PTGES: variants seen among roughly 807,000 people sequenced by gnomAD.
PTGES encodes the protein prostaglandin E synthase.
PTGES carries 3 observed loss-of-function variants against 11.8 expected under a neutral mutation model. That is an observed-to-expected ratio of 0.25 (90% confidence interval 0.12 to 0.66). The LOEUF is 0.66. Among genes scored for constraint, PTGES ranks in the 30% least tolerant of loss-of-function variants. The pLI, the probability that PTGES is intolerant of heterozygous loss-of-function variation, is 0.82. For missense variants in PTGES, 180 were observed against 213.0 expected (o/e 0.85, Z 0.96); for synonymous variants, 94 against 90.4 (o/e 1.04, Z -0.22).
At chr9:129,750,928 C>G (rs904525127) in intron 1 of PTGES, among the ~76,000 whole-genome samples, 1 of 152,180 alleles carries the variant, frequency 6.6e-6, no homozygotes, top group Non-Finnish European at 1.5e-5. Context: ...AGGAACACCT[C>G]AGGAGCAGCC....
rs3884098 is a variant in PTGES, at chr9:129,739,427, C to CACACATACACAT, written c.*183_*184insATGTGTATGTGT. 1 of 753,266 alleles carries CACACATACACAT rather than the reference C, an allele frequency of 1.3e-6. No homozygotes were observed. Among genetic ancestry groups the CACACATACACAT allele is most frequent in the East Asian group, 2.7e-5 (1 of 36,598 alleles). The allele number at this position is 753,266 out of a possible 1,614,324, so 46.7% of individuals were successfully genotyped here. ...TCCAAGGGGCTAAGAAACATACACA[C>CACACATACACAT]ACACATACACACACACGGGCACACA... On this transcript the variant is annotated 3_prime_UTR_variant, in exon 3 of 3. Coordinates refer to ENST00000340607, the MANE Select transcript of PTGES (RefSeq NM_004878.5). This position sits in a 1 kb window ranked among gnomAD's most constrained non-coding sequence, Gnocchi z 5.7.
intron 2 of PTGES, among the ~76,000 whole-genome samples, chr9:129,741,746 AAAT>A (rs1564162117): frequency 2.0e-5 from 3 of 152,016 alleles, no homozygotes; most frequent in Non-Finnish European, 4.4e-5. Context: ...TCTCTACTAA[AAAT>A]ACAAAATTAG....
chr9:129,750,522 C>T (rs1234049156), intron 1 of PTGES, among the ~76,000 whole-genome samples: 2 of 152,192 alleles, frequency 1.3e-5, no homozygotes, highest in Admixed American at 6.5e-5. Flanking sequence ...GGAGTTGCTC[C>T]CCCTGGAGAT....
chr9:129,741,174 G>A (rs562198261), intron 2 of PTGES, among the ~76,000 whole-genome samples: 1 of 152,334 alleles, frequency 6.6e-6, no homozygotes, highest in African/African-American at 2.4e-5. Flanking sequence ...CCTGAATGAT[G>A]AGAAGCTGGC....
At chr9:129,744,172 C>T (rs1422561185) in intron 2 of PTGES, among the ~76,000 whole-genome samples, 4 of 152,056 alleles carry the variant, frequency 2.6e-5, no homozygotes, top group East Asian at 1.9e-4. Context: ...TTAAGCAAGC[C>T]GCCATCTCCT....
chr9:129,740,158 C>T (rs897996794), intron 2 of PTGES, among the ~76,000 whole-genome samples: 26 of 152,052 alleles, frequency 1.7e-4, no homozygotes, highest in African/African-American at 6.3e-4. Context: ...GCCGGGACCC[C>T]ACTCCTGCCA....
chr9:129,742,289 C>T (rs1833002465), intron 2 of PTGES, among the ~76,000 whole-genome samples: 1 of 144,280 alleles, frequency 6.9e-6, no homozygotes, highest in African/African-American at 2.6e-5. Context: ...CGTGTCACTT[C>T]ACTCCAGCCT....
At chr9:129,750,433 G>GCT (rs1331059604) in intron 1 of PTGES, among the ~76,000 whole-genome samples, 7 of 152,156 alleles carry the variant, frequency 4.6e-5, no homozygotes, top group Admixed American at 4.6e-4. Flanking sequence ...AACACCGAAG[G>GCT]CTCTGTCCGT....
intron 2 of PTGES, among the ~76,000 whole-genome samples, chr9:129,746,034 C>CAAAAAAAAAA (rs142175511): frequency 5.8e-5 from 7 of 121,314 alleles, no homozygotes; most frequent in Non-Finnish European, 1.2e-4. Context: ...AACTCTGTCT[C>CAAAAAAAAAA]AAAAAAAAAA....
In PTGES at chr9:129,745,865, A is replaced by G. The variant is rs1468893124; in HGVS notation, c.209+2790T>C. The stretch of plus-strand genomic sequence containing the variant: ...GCCAACATGGTGAAACTCTGTCTCT[A>G]CTAAAAAAAAAATACAAAAATTAGC... On this transcript the variant is annotated intron_variant, in intron 2 of 2. Coordinates refer to ENST00000340607, the MANE Select transcript of PTGES (RefSeq NM_004878.5). This position sits in a 1 kb window ranked among gnomAD's most constrained non-coding sequence, Gnocchi z 4.2. Among the ~76,000 whole-genome samples, 3 of 151,966 alleles carry G rather than the reference A, an allele frequency of 2.0e-5. No homozygotes were observed. The highest frequency in any genetic ancestry group is 4.4e-5 in the Non-Finnish European group (3 of 67,986).
Position 129,739,665 on chromosome 9 carries a change from G to T in PTGES, c.405C>A (p.Leu135=), listed in dbSNP as rs1199290323. ...IRSVTYTLAQ[L]PCASMALQIL... is the part of the protein sequence containing the mutation. ...TCTGCAGAGCCATGGAGGCGCAGGG[G>T]AGCTGGGCCAGGGTGTAGGTCACGG... The change falls in exon 3 of 3, where the codon CTC becomes CTA. Residue 135 remains leucine (L), a synonymous_variant. Transcript: ENST00000340607. The surrounding 1 kb of genome is among the most constrained non-coding windows in gnomAD (Gnocchi z 5.7). 5.1e-6 allele frequency: 8 copies of T among 1,557,332 alleles called. No individual in the cohort carries two copies. Among genetic ancestry groups the T allele is most frequent in the Non-Finnish European group, 7.0e-6 (8 of 1,150,426 alleles).
Position 129,739,315 on chromosome 9 carries a change from G to C in PTGES, c.*296C>G. 8.1e-6 allele frequency: 3 copies of C among 368,134 alleles called. No homozygotes were observed. The highest frequency in any genetic ancestry group is 1.5e-5 in the Non-Finnish European group (3 of 201,024). 22.8% of individuals were successfully genotyped at this position (368,134 alleles called of 1,614,324 possible). A position where few individuals can be genotyped will look rare whatever the true frequency, so the allele number is the denominator to read the frequency against. Reference sequence around the variant, plus strand: ...GGGAGGGAGAGGGAGTGATGTTTTTGATGCTCTGTTACTTTAGCTGAAGGA... The same window carrying C: ...GGGAGGGAGAGGGAGTGATGTTTTTCATGCTCTGTTACTTTAGCTGAAGGA... On this transcript the variant is annotated 3_prime_UTR_variant, in exon 3 of 3. Coordinates refer to ENST00000340607, the MANE Select transcript of PTGES (RefSeq NM_004878.5). The surrounding 1 kb of genome is among the most constrained non-coding windows in gnomAD (Gnocchi z 5.7).
In PTGES at chr9:129,739,443, C is replaced by A; in HGVS notation, c.*168G>T. On this transcript the variant is annotated 3_prime_UTR_variant, in exon 3 of 3. Transcript: ENST00000340607. The surrounding 1 kb of genome is among the most constrained non-coding windows in gnomAD (Gnocchi z 5.7). ...ACATACACACACACATACACACACACGGGCACACACACAGGCCCACTGTGC... is the reference window on the plus strand; with the variant it reads ...ACATACACACACACATACACACACAAGGGCACACACACAGGCCCACTGTGC... The A allele has an allele frequency of 3.4e-6, 3 of 893,368 alleles. No homozygotes were observed. The East Asian group carries it at 8.0e-5, about 24-fold the overall frequency. 55.3% of individuals were successfully genotyped at this position (893,368 alleles called of 1,614,324 possible).
At position 129,739,470 on chromosome 9, in the gene PTGES, C is replaced by T; in HGVS notation, c.*141G>A. 1.6e-6 allele frequency: 2 copies of T among 1,219,348 alleles called. No individual in the cohort carries two copies. Among genetic ancestry groups the T allele is most frequent in the Non-Finnish European group, 2.2e-6 (2 of 897,830 alleles). The allele number at this position is 1,219,348 out of a possible 1,614,324, so 75.5% of individuals were successfully genotyped here. A position where few individuals can be genotyped will look rare whatever the true frequency, so the allele number is the denominator to read the frequency against. On this transcript the variant is annotated 3_prime_UTR_variant, in exon 3 of 3. Coordinates refer to ENST00000340607, the MANE Select transcript of PTGES (RefSeq NM_004878.5). This position sits in a 1 kb window ranked among gnomAD's most constrained non-coding sequence, Gnocchi z 5.7. ...GGCACACACACAGGCCCACTGTGCC[C>T]AGAGACCCACACGCGCAGCAGGCTG...
intron 1 of PTGES, among the ~76,000 whole-genome samples, chr9:129,751,277 C>T (rs925999123): frequency 1.3e-5 from 2 of 151,024 alleles, no homozygotes; most frequent in African/African-American, 2.4e-5. Flanking sequence ...GAGCTATGAT[C>T]GCACAATTGC....
At chr9:129,750,753 G>A (rs919580991) in intron 1 of PTGES, among the ~76,000 whole-genome samples, 6 of 152,194 alleles carry the variant, frequency 3.9e-5, no homozygotes, top group African/African-American at 1.4e-4. Context: ...TGGCGCTGCT[G>A]TCACGACCCC....
chr9:129,747,818 T>A (rs1355017166), intron 2 of PTGES, among the ~76,000 whole-genome samples: 1 of 151,964 alleles, frequency 6.6e-6, no homozygotes, highest in Non-Finnish European at 1.5e-5. Context: ...CAGACCAGCC[T>A]GGCCAACATA....
rs199923033 is a variant in PTGES at position 129,739,577 on chromosome 9, A to G, written c.*34T>C. The G allele has an allele frequency of 7.1e-6, 11 of 1,541,182 alleles. No homozygotes were observed. The highest frequency in any genetic ancestry group is 1.4e-5 in the African/African-American group (1 of 72,998). On this transcript the variant is annotated 3_prime_UTR_variant, in exon 3 of 3. Transcript: ENST00000340607. This position sits in a 1 kb window ranked among gnomAD's most constrained non-coding sequence, Gnocchi z 5.7. ...GTATAGCCACGGCGGCTCTTGGCCC[A>G]TGGTCTGGTGGCCAAGGAGGCATCA...
rs1344618825 is a variant in PTGES at position 129,743,770 on chromosome 9, C to T, written c.210-3910G>A. Among the ~76,000 whole-genome samples, 5 of 152,206 alleles carry T rather than the reference C, an allele frequency of 3.3e-5. No individual in the cohort carries two copies. The East Asian group carries it at 7.7e-4, about 23-fold the overall frequency. On this transcript the variant is annotated intron_variant, in intron 2 of 2. Coordinates refer to ENST00000340607, the MANE Select transcript of PTGES (RefSeq NM_004878.5). The stretch of plus-strand genomic sequence containing the variant: ...TAGAGGGACAGCCTCAGGAGCAGAG[C>T]CGAGAGTGCCAGGCCCCTCCTCAGA...
Sources: gnomAD v4.1 joint callset for allele counts (sites outside exome capture counted in the v4.1 genomes callset) on GRCh38, gnomAD v4.1.1 for gene constraint, Gnocchi (gnomAD v3.1) non-coding constraint, MANE v1.5 for transcripts, NCBI Gene and HGNC (gene_info 2026-07-23, HGNC 2026-07-21) for gene names.